CPNE4: variants seen among roughly 807,000 people sequenced by gnomAD.
The protein encoded by CPNE4 is copine 4.
In CPNE4, 25 loss-of-function variants were observed where a neutral mutation model predicts 67.9. The observed-to-expected ratio is 0.37, with a 90% CI of 0.27 to 0.51. CPNE4 has a LOEUF of 0.51. CPNE4 is among the 20% of genes least tolerant of loss of function. The probability of loss-of-function intolerance (pLI) is 0.93; values close to 1 mark genes in which losing one functional copy is unlikely to be tolerated. For synonymous variants in CPNE4, 242 were observed against 244.9 expected (o/e 0.99, Z 0.11); for missense variants, 464 against 690.8 (o/e 0.67, Z 3.68).
intron 1 of CPNE4, among the ~76,000 whole-genome samples, chr3:132,000,808 T>C (rs1161960461): frequency 1.3e-5 from 2 of 150,948 alleles, no homozygotes; most frequent in Non-Finnish European, 3.0e-5. Flanking sequence ...ATCACACCAT[T>C]GCCCTTCAGC....
At chr3:131,696,320 G>A (rs1362278420) in intron 5 of CPNE4, among the ~76,000 whole-genome samples, 1 of 152,162 alleles carries the variant, frequency 6.6e-6, no homozygotes, top group Non-Finnish European at 1.5e-5. Context: ...TTTGGAAACA[G>A]TCTTGGTGTC....
At chr3:131,597,952 T>G (rs1938989574) in intron 7 of CPNE4, among the ~76,000 whole-genome samples, 1 of 152,236 alleles carries the variant, frequency 6.6e-6, no homozygotes, top group South Asian at 2.1e-4. Flanking sequence ...CTCCCTGAGT[T>G]GAGTCTATGA....
chr3:131,628,976 T>C (rs112605942), intron 7 of CPNE4, among the ~76,000 whole-genome samples: 5,356 of 152,300 alleles, frequency 0.035, 305 homozygotes, highest in African/African-American at 0.12. Context: ...TCTCTAGTTC[T>C]TTTAATTGCG....
At chr3:131,788,275 T>C (rs1372288858) in intron 2 of CPNE4, among the ~76,000 whole-genome samples, 1 of 152,044 alleles carries the variant, frequency 6.6e-6, no homozygotes, top group Non-Finnish European at 1.5e-5. Flanking sequence ...GATCAAGTCA[T>C]ATTCTTAATA....
intron 7 of CPNE4, among the ~76,000 whole-genome samples, chr3:131,596,424 C>A (rs1016932429): frequency 8.5e-6 from 1 of 117,806 alleles, no homozygotes; most frequent in Admixed American, 7.6e-5. Flanking sequence ...AGATCGAGAC[C>A]ATCCCGGCTA....
At chr3:131,833,001 T>G (rs577150026) in intron 2 of CPNE4, among the ~76,000 whole-genome samples, 149 of 152,278 alleles carry the variant, frequency 9.8e-4, no homozygotes, top group African/African-American at 3.5e-3. Context: ...AGGTGATTTA[T>G]GAGAGCAGAG....
rs749889159 is a variant in CPNE4 at position 131,587,475 on chromosome 3, A to G, written c.780+9T>C. 3 of 1,609,222 alleles carry G rather than the reference A, an allele frequency of 1.9e-6. No individual in the cohort carries two copies. Among genetic ancestry groups the G allele is most frequent in the African/African-American group, 1.3e-5 (1 of 74,898 alleles). On this transcript the variant is annotated intron_variant, in intron 8 of 15. Coordinates refer to ENST00000429747, the MANE Select transcript of CPNE4 (RefSeq NM_130808.3). ...CTGGAGGCAAAACCAAAAGTGGTTG[A>G]CCATGTACCTGTTTCCCTTCCATTG...
In CPNE4 at chr3:131,657,532, ATTTTT is replaced by A. The variant is rs55842033; in HGVS notation, c.681+12138_681+12142del. On this transcript the variant is annotated intron_variant, in intron 7 of 15. Coordinates refer to ENST00000429747, the MANE Select transcript of CPNE4 (RefSeq NM_130808.3). ...TACATGAAAGCCTAGAATTATCTGT[ATTTTT>A]TTTTTTTTTTTTTTTTGAGAGGGAG... 7.0e-3 allele frequency among the ~76,000 whole-genome samples: 846 copies of A among 120,184 alleles called. 7 individuals carry two copies. Among genetic ancestry groups the A allele is most frequent in the African/African-American group, 0.023 (684 of 29,966 alleles). The allele number at this position is 120,184 out of a possible 152,430, so 78.8% of individuals were successfully genotyped here. A position where few individuals can be genotyped will look rare whatever the true frequency, so the allele number is the denominator to read the frequency against.
At chr3:131,963,767 T>C (rs1415709135) in intron 1 of CPNE4, among the ~76,000 whole-genome samples, 1 of 152,144 alleles carries the variant, frequency 6.6e-6, no homozygotes, top group African/African-American at 2.4e-5. Flanking sequence ...CCCATCTCCC[T>C]GGGACAGAGC....
At chr3:131,632,772 G>T (rs2079264129) in intron 7 of CPNE4, among the ~76,000 whole-genome samples, 3 of 152,078 alleles carry the variant, frequency 2.0e-5, no homozygotes, top group Non-Finnish European at 4.4e-5. Flanking sequence ...CAGGCCTTAG[G>T]TCAGGTTTTC....
At chr3:131,975,306 G>T (rs2072618544) in intron 1 of CPNE4, among the ~76,000 whole-genome samples, 1 of 152,100 alleles carries the variant, frequency 6.6e-6, no homozygotes, top group Non-Finnish European at 1.5e-5. Flanking sequence ...GGCAATATAG[G>T]ACAGAAGCAC....
chr3:131,926,607 A>G (rs1363280684), intron 1 of CPNE4, among the ~76,000 whole-genome samples: 1 of 152,150 alleles, frequency 6.6e-6, no homozygotes, highest in East Asian at 1.9e-4. Flanking sequence ...CAATCCGTGG[A>G]CTTTCCAACA....
At position 131,583,121 on chromosome 3, in the gene CPNE4, TGAAA is replaced by T. The variant is rs377443803; in HGVS notation, c.781-1460_781-1457del. Among the ~76,000 whole-genome samples, 189 of 152,258 alleles carry T rather than the reference TGAAA, an allele frequency of 1.2e-3. 2 individuals are homozygous for T. The highest frequency in any genetic ancestry group is 3.4e-3 in the Middle Eastern group (1 of 294). On this transcript the variant is annotated intron_variant, in intron 8 of 15. Transcript: ENST00000429747. The stretch of plus-strand genomic sequence containing the variant: ...TCCTTCAAAATATGGAATTCTTGGG[TGAAA>T]GAAAGAAAGAAGAAAACATTCAAAG...
chr3:131,663,911 C>A (rs1287409013), intron 7 of CPNE4, among the ~76,000 whole-genome samples: 1 of 152,126 alleles, frequency 6.6e-6, no homozygotes, highest in Non-Finnish European at 1.5e-5. Context: ...CTTTACTGCA[C>A]CATGGGCTCA....
intron 14 of CPNE4, 31 bp from the exon 15 acceptor site, chr3:131,542,824 G>T: frequency 2.1e-6 from 3 of 1,451,504 alleles, no homozygotes; most frequent in Non-Finnish European, 2.9e-6. Flanking sequence ...ATGATGGGGG[G>T]GGGTGAAGAG....
intron 1 of CPNE4, among the ~76,000 whole-genome samples, chr3:131,979,822 T>C (rs2072860133): frequency 6.6e-6 from 1 of 152,284 alleles, no homozygotes; most frequent in African/African-American, 2.4e-5. Flanking sequence ...GAGACTCTGT[T>C]GTGATGTGTT....
At chr3:131,862,107 C>A (rs73203887) in intron 2 of CPNE4, among the ~76,000 whole-genome samples, 11,642 of 152,134 alleles carry the variant, frequency 0.077, 583 homozygotes, top group East Asian at 0.17. Flanking sequence ...ACAACATCAA[C>A]GAGATGTAGA....
intron 1 of CPNE4, among the ~76,000 whole-genome samples, chr3:132,033,686 A>C (rs892377955): frequency 3.9e-5 from 6 of 152,252 alleles, no homozygotes; most frequent in African/African-American, 1.4e-4. Flanking sequence ...TAGAATGGGA[A>C]ATAGGGCCTT....
At chr3:131,787,460 A>G (rs2083598195) in intron 2 of CPNE4, among the ~76,000 whole-genome samples, 1 of 152,116 alleles carries the variant, frequency 6.6e-6, no homozygotes, top group Non-Finnish European at 1.5e-5. Flanking sequence ...AAGGCTTTTT[A>G]TATCCCAGCC....
Sources: allele counts gnomAD v4.1 joint callset (sites outside exome capture counted in the v4.1 genomes callset), GRCh38; gene constraint gnomAD v4.1.1; transcripts MANE v1.5; gene names NCBI Gene and HGNC (gene_info 2026-07-23, HGNC 2026-07-21).